HCN1: variants seen among roughly 807,000 people sequenced by gnomAD.
HCN1 encodes the protein potassium/sodium hyperpolarization-activated cyclic nucleotide-gated channel 1.
HCN1 carries 13 observed loss-of-function variants against 78.9 expected under a neutral mutation model. That is an observed-to-expected ratio of 0.16 (90% CI 0.11 to 0.26). The LOEUF is 0.26. Among genes scored for constraint, HCN1 ranks in the 10% least tolerant of loss-of-function variants. The pLI is 1.00. For missense variants in HCN1, 810 were observed against 1,154.3 expected, an observed-to-expected ratio of 0.70 and a Z score of 4.32; for synonymous variants, 552 against 455.5, an observed-to-expected ratio of 1.21 and a Z score of -2.70.
rs1306386314 is a variant in HCN1 at position 45,262,357 on chromosome 5, G to A, written c.2237C>T (p.Thr746Ile). The stretch of plus-strand genomic sequence containing the variant: ...CTGCGGGGACGGCTGCTGTGGCTGA[G>A]TCTGCGGCGGCTGGGACTGCTGTAC... ...QQVQQSQPPQ[T>I]QPQQPSPQPQ... The change falls in exon 8 of 8, where the codon ACT becomes ATT. Residue 746 changes from threonine to isoleucine, a missense_variant. Physicochemically the swap from Thr to Ile is moderately conservative, Grantham distance 89. This residue lies in a region of HCN1 where 398 missense variants were observed against 381.3 expected (regional missense o/e 1.04). Coordinates refer to ENST00000303230, the MANE Select transcript of HCN1 (RefSeq NM_021072.4). 3 of 1,612,838 alleles carry A rather than the reference G, an allele frequency of 1.9e-6. No individual in the cohort carries two copies. Among genetic ancestry groups the A allele is most frequent in the Non-Finnish European group, 1.7e-6 (2 of 1,179,768 alleles).
intron 2 of HCN1, among the ~76,000 whole-genome samples, chr5:45,503,763 C>CA (rs1449118133): frequency 6.6e-6 from 1 of 151,540 alleles, no homozygotes; most frequent in Non-Finnish European, 1.5e-5. Context: ...CCCCTCCCCC[C>CA]ACGCCAACAC....
At chr5:45,457,465 A>T (rs1478549780) in intron 3 of HCN1, among the ~76,000 whole-genome samples, 1 of 152,156 alleles carries the variant, frequency 6.6e-6, no homozygotes, top group African/African-American at 2.4e-5. Context: ...GAATTATATA[A>T]TTCAGACTTA....
At chr5:45,574,485 C>T (rs1743899346) in intron 2 of HCN1, 1 of 152,094 alleles carries the variant, frequency 6.6e-6, no homozygotes, top group African/African-American at 2.4e-5. Flanking sequence ...TCAGCTGTTT[C>T]TCCATCTCTC....
At chr5:45,428,401 CTTT>C (rs981742950) in intron 3 of HCN1, among the ~76,000 whole-genome samples, 1 of 151,864 alleles carries the variant, frequency 6.6e-6, no homozygotes, top group African/African-American at 2.4e-5. Flanking sequence ...TTCCCTTCTT[CTTT>C]ATCATTAACT....
chr5:45,428,655 T>C (rs1037312816), intron 3 of HCN1, among the ~76,000 whole-genome samples: 1 of 152,096 alleles, frequency 6.6e-6, no homozygotes, highest in African/African-American at 2.4e-5. Context: ...TTTGAACTGA[T>C]TTAATATCTT....
Position 45,527,795 on chromosome 5 carries a change from A to T in HCN1, c.850-65788T>A, listed in dbSNP as rs549647041. ...AAGGCAGACAGAACATGTTGTATTA[A>T]TTTTTTTATATTTTCATTTGCATGG... On this transcript the variant is annotated intron_variant, in intron 2 of 7. Coordinates refer to ENST00000303230, the MANE Select transcript of HCN1 (RefSeq NM_021072.4). 1.7e-4 allele frequency among the ~76,000 whole-genome samples: 26 copies of T among 151,880 alleles called. No individual in the cohort carries two copies. In the East Asian group the frequency reaches 2.1e-3, roughly 13 times the overall value.
At chr5:45,278,908 A>G (rs1026807096) in intron 6 of HCN1, among the ~76,000 whole-genome samples, 4 of 152,246 alleles carry the variant, frequency 2.6e-5, no homozygotes, top group Admixed American at 1.3e-4. Context: ...TTACATTTTT[A>G]AAGGTTTGTT....
chr5:45,341,596 A>G (rs1462831065), intron 5 of HCN1, among the ~76,000 whole-genome samples: 1 of 152,192 alleles, frequency 6.6e-6, no homozygotes, highest in Non-Finnish European at 1.5e-5. Context: ...CAGTCAAAGC[A>G]AAAGCAGACT....
chr5:45,311,624 T>C (rs1745853215), intron 5 of HCN1, among the ~76,000 whole-genome samples: 1 of 152,236 alleles, frequency 6.6e-6, no homozygotes, highest in East Asian at 1.9e-4. Context: ...ATAAGTGTTA[T>C]GATCCATGGA....
intron 2 of HCN1, among the ~76,000 whole-genome samples, chr5:45,592,721 C>A (rs949547955): frequency 6.6e-6 from 1 of 152,044 alleles, no homozygotes; most frequent in African/African-American, 2.4e-5. Flanking sequence ...TCCAAACCAT[C>A]AATTATTTGA....
intron 3 of HCN1, among the ~76,000 whole-genome samples, chr5:45,402,081 G>A (rs1739825030): frequency 6.6e-6 from 1 of 152,034 alleles, no homozygotes; most frequent in Admixed American, 6.6e-5. Flanking sequence ...GTATGTGTGT[G>A]TACATATATA....
intron 3 of HCN1, among the ~76,000 whole-genome samples, chr5:45,447,531 C>A (rs1164397459): frequency 1.3e-5 from 2 of 152,190 alleles, no homozygotes; most frequent in African/African-American, 4.8e-5. Context: ...GCATGAGCCA[C>A]TCACCCGGCC....
intron 2 of HCN1, chr5:45,480,100 G>T (rs1291896180): frequency 6.6e-6 from 1 of 152,538 alleles, no homozygotes; most frequent in East Asian, 1.9e-4. Flanking sequence ...TTATGACAGA[G>T]TTATTTGCAT....
At chr5:45,312,032 G>A (rs1745860957) in intron 5 of HCN1, among the ~76,000 whole-genome samples, 1 of 152,168 alleles carries the variant, frequency 6.6e-6, no homozygotes, top group Non-Finnish European at 1.5e-5. Context: ...ACATATATTT[G>A]TATTCATTAA....
chr5:45,421,404 C>T (rs1205088248), intron 3 of HCN1, among the ~76,000 whole-genome samples: 1 of 152,062 alleles, frequency 6.6e-6, no homozygotes, highest in East Asian at 1.9e-4. Flanking sequence ...AGATTGTATA[C>T]AGATGCCATG....
At chr5:45,690,557 G>A (rs1263598923) in intron 1 of HCN1, among the ~76,000 whole-genome samples, 1 of 151,920 alleles carries the variant, frequency 6.6e-6, no homozygotes, top group East Asian at 1.9e-4. Context: ...TAAAATTCCA[G>A]GATGCACCAG....
intron 2 of HCN1, among the ~76,000 whole-genome samples, chr5:45,535,390 G>A (rs1271603027): frequency 6.6e-6 from 1 of 152,190 alleles, no homozygotes; most frequent in Non-Finnish European, 1.5e-5. Context: ...TTGAAGTCAG[G>A]AGTTCGAGAC....
chr5:45,317,361 C>T (rs928751924), intron 5 of HCN1, among the ~76,000 whole-genome samples: 16 of 152,192 alleles, frequency 1.1e-4, no homozygotes, highest in Non-Finnish European at 2.4e-4. Flanking sequence ...ACTGGCTAGT[C>T]ATATGTAGAA....
At chr5:45,573,847 G>C (rs370600655) in intron 2 of HCN1, among the ~76,000 whole-genome samples, 1 of 152,036 alleles carries the variant, frequency 6.6e-6, no homozygotes, top group East Asian at 1.9e-4. Context: ...TGTATTTTTA[G>C]AATTTGTTTC....
Sources: allele counts gnomAD v4.1 joint callset (sites outside exome capture counted in the v4.1 genomes callset), GRCh38; gene constraint gnomAD v4.1.1; regional missense constraint gnomAD v4.1.1; transcripts MANE v1.5; gene names NCBI Gene and HGNC (gene_info 2026-07-23, HGNC 2026-07-21).